The following WAPL variants were observed in gnomAD, a reference collection of about 807,000 sequenced individuals.
WAPL encodes WAPL cohesin release factor, also known as wings apart-like protein homolog.
In WAPL, 5 loss-of-function variants were observed where a neutral mutation model predicts 121.0. The ratio of observed to expected loss-of-function variants is 0.04; its 90% confidence interval spans 0.02 to 0.09. WAPL has a LOEUF of 0.09. WAPL is among the 10% of genes least tolerant of loss of function. The pLI is 1.00. For synonymous variants in WAPL, 480 were observed against 481.5 expected (o/e 1.00, Z 0.04); for missense variants, 999 against 1,410.8 (o/e 0.71, Z 4.68).
intron 17 of WAPL, among the ~76,000 whole-genome samples, chr10:86,442,674 C>T (rs889370180): frequency 5.3e-5 from 8 of 152,132 alleles, no homozygotes; most frequent in African/African-American, 1.9e-4. Context: ...GTAAAAAATG[C>T]TATACATTCC....
chr10:86,500,212 C>G lies in WAPL; in HGVS notation c.1031G>C (p.Cys344Ser), dbSNP rs1282308094. The G allele has an allele frequency of 1.9e-6, 3 of 1,614,208 alleles. No homozygotes were observed. The highest frequency in any genetic ancestry group is 2.5e-6 in the Non-Finnish European group (3 of 1,180,034). ...AACTGTCCCTCTAAAACTGGTCCCA[C>G]AACTTACACCCCCTTTCTTTGCCTG... ...LNQAKKGGVS[C>S]GTSFRGTVGR... The change falls in exon 3 of 19, where the codon TGT becomes TCT. Residue 344 changes from cysteine to serine, a missense_variant. Around this residue, in one of 7 missense-constraint regions of WAPL, gnomAD observed 531 missense variants for 563.1 expected, o/e 0.94. Coordinates refer to ENST00000298767, the MANE Select transcript of WAPL (RefSeq NM_015045.5).
chr10:86,471,172 A>G (rs2288360), intron 7 of WAPL, 69 bp from the exon 8 acceptor site: 90,395 of 1,285,148 alleles, frequency 0.07, 3,542 homozygotes, highest in Middle Eastern at 0.11. Context: ...TTTGTGTAAT[A>G]CCAAAACCAG....
At chr10:86,466,565 A>G (rs888639314) in intron 9 of WAPL, among the ~76,000 whole-genome samples, 2 of 152,138 alleles carry the variant, frequency 1.3e-5, no homozygotes, top group African/African-American at 4.8e-5. Flanking sequence ...GCAAGACGCT[A>G]TCTCAAAAAA....
chr10:86,498,029 T>C (rs7918270), intron 3 of WAPL, among the ~76,000 whole-genome samples: 133,041 of 152,228 alleles, frequency 0.87, 58,591 homozygotes, highest in Non-Finnish European at 0.92. Context: ...AGACTCAAAT[T>C]TCAACTTTGG....
At chr10:86,504,918 T>C (rs138233997) in intron 2 of WAPL, among the ~76,000 whole-genome samples, 86 of 152,332 alleles carry the variant, frequency 5.6e-4, no homozygotes, top group African/African-American at 1.9e-3. Flanking sequence ...TTCATTCATA[T>C]ATATATAAAC....
At chr10:86,493,328 T>A (rs1842085821) in intron 4 of WAPL, among the ~76,000 whole-genome samples, 1 of 151,914 alleles carries the variant, frequency 6.6e-6, no homozygotes, top group Admixed American at 6.6e-5. Context: ...ATATATATAT[T>A]TAATAAAATA....
intron 15 of WAPL, among the ~76,000 whole-genome samples, chr10:86,450,046 T>C (rs35732915): frequency 0.019 from 2,895 of 152,320 alleles, 74 homozygotes; most frequent in African/African-American, 0.052. Flanking sequence ...CAGTTAACAG[T>C]AATGTACTAA....
rs575234958 is a variant in WAPL, at chr10:86,520,796, A to C, written c.-23+569T>G. Among the ~76,000 whole-genome samples the C allele has an allele frequency of 9.8e-4, 148 of 151,012 alleles. 2 individuals are homozygous for C. In the East Asian group the frequency reaches 0.028, roughly 28 times the overall value. Reference sequence around the variant, plus strand: ...AAAAAAAAAAAAAAAAAAAAGCAAAAAGCCTTTATACTTCACTCCCACCCT... The same window carrying C: ...AAAAAAAAAAAAAAAAAAAAGCAAACAGCCTTTATACTTCACTCCCACCCT... On this transcript the variant is annotated intron_variant, in intron 1 of 18. Coordinates refer to ENST00000298767, the MANE Select transcript of WAPL (RefSeq NM_015045.5).
At chr10:86,451,220 G>T (rs1418780922) in intron 15 of WAPL, among the ~76,000 whole-genome samples, 1 of 151,994 alleles carries the variant, frequency 6.6e-6, no homozygotes, top group Non-Finnish European at 1.5e-5. Context: ...GGGATTACAG[G>T]CGTAAGCCAC....
intron 2 of WAPL, among the ~76,000 whole-genome samples, chr10:86,509,221 C>T (rs1169727835): frequency 6.6e-6 from 1 of 152,202 alleles, no homozygotes; most frequent in Admixed American, 6.5e-5. Flanking sequence ...TGAAACATAT[C>T]TTACAAACAT....
At chr10:86,481,298 T>C (rs557204801) in intron 4 of WAPL, among the ~76,000 whole-genome samples, 326 of 152,282 alleles carry the variant, frequency 2.1e-3, no homozygotes, top group Non-Finnish European at 3.5e-3. Flanking sequence ...GATAGTGATT[T>C]CCAAGAAATA....
intron 16 of WAPL, among the ~76,000 whole-genome samples, chr10:86,444,345 G>A (rs187661980): frequency 6.6e-6 from 1 of 152,054 alleles, no homozygotes; most frequent in African/African-American, 2.4e-5. Flanking sequence ...CAACTCCTAG[G>A]TATAAATCCA....
Position 86,472,963 on chromosome 10 carries a change from C to T in WAPL, c.1741-199G>A, listed in dbSNP as rs1841567342. Among the ~76,000 whole-genome samples the T allele has an allele frequency of 2.6e-5, 4 of 152,162 alleles. No individual in the cohort carries two copies. The highest frequency in any genetic ancestry group is 9.7e-5 in the African/African-American group (4 of 41,436). On this transcript the variant is annotated intron_variant, in intron 5 of 18. Coordinates refer to ENST00000298767, the MANE Select transcript of WAPL (RefSeq NM_015045.5). This position sits in a 1 kb window ranked among gnomAD's most constrained non-coding sequence, Gnocchi z 4.2. The stretch of plus-strand genomic sequence containing the variant: ...GGTAAGACATATGTATATCTGCACA[C>T]AGAAGAACCACTCAAGGATTTCTTC...
intron 8 of WAPL, among the ~76,000 whole-genome samples, chr10:86,470,421 A>G (rs1054269427): frequency 6.6e-6 from 1 of 152,226 alleles, no homozygotes; most frequent in African/African-American, 2.4e-5. Flanking sequence ...CCATCTCAAA[A>G]TACTACTAAT....
At chr10:86,505,672 A>G (rs1232772146) in intron 2 of WAPL, among the ~76,000 whole-genome samples, 2 of 152,174 alleles carry the variant, frequency 1.3e-5, no homozygotes, top group Non-Finnish European at 2.9e-5. Context: ...AAATGCATAT[A>G]CATATTTTTA....
chr10:86,485,097 C>G (rs1303340607), intron 4 of WAPL, among the ~76,000 whole-genome samples: 1 of 149,862 alleles, frequency 6.7e-6, no homozygotes, highest in Non-Finnish European at 1.5e-5. Context: ...ACCCCTACCC[C>G]CCTCCTTCCC....
chr10:86,495,563 C>T (rs1247908769), intron 4 of WAPL, among the ~76,000 whole-genome samples: 1 of 151,932 alleles, frequency 6.6e-6, no homozygotes, highest in Non-Finnish European at 1.5e-5. Context: ...CGACCTAAAA[C>T]TATGAATTAT....
At position 86,500,503 on chromosome 10, in the gene WAPL, C is replaced by A; in HGVS notation, c.740G>T (p.Arg247Ile). 2 of 1,614,150 alleles carry A rather than the reference C, an allele frequency of 1.2e-6. No homozygotes were observed. Among genetic ancestry groups the A allele is most frequent in the Non-Finnish European group, 1.7e-6 (2 of 1,180,018 alleles). ...CAAACTTAAAATACAGTCTTCTGAT[C>A]TGATATCTTCAAAATCATTATCCCA... ...FEWDNDFEDI[R>I]SEDCILSLDS... The change falls in exon 3 of 19, where the codon AGA (arginine) becomes ATA (isoleucine). Residue 247 changes from arginine (R) to isoleucine (I), a missense_variant. Around this residue, in one of 7 missense-constraint regions of WAPL, gnomAD observed 531 missense variants for 563.1 expected, o/e 0.94. Transcript: ENST00000298767.
intron 4 of WAPL, among the ~76,000 whole-genome samples, chr10:86,479,344 G>A (rs562088456): frequency 4.6e-5 from 7 of 152,176 alleles, no homozygotes; most frequent in African/African-American, 1.7e-4. Flanking sequence ...TGTAACCTGC[G>A]CCTCCCGGGT....
Sources: allele counts gnomAD v4.1 joint callset (sites outside exome capture counted in the v4.1 genomes callset), GRCh38; gene constraint gnomAD v4.1.1; regional missense constraint gnomAD v4.1.1; non-coding constraint Gnocchi (gnomAD v3.1); transcripts MANE v1.5; gene names NCBI Gene and HGNC (gene_info 2026-07-23, HGNC 2026-07-21).